Variants in ERGIC3 observed in about 807,000 individuals in gnomAD.
The protein encoded by ERGIC3 is ERGIC and golgi 3.
A neutral mutation model predicts 54.7 loss-of-function variants in ERGIC3; 33 were observed. The observed-to-expected ratio is 0.60, with a 90% CI of 0.46 to 0.81. The LOEUF is 0.81. Ranked by LOEUF, ERGIC3 falls within the 30% of genes least tolerant of loss-of-function variation. The pLI, the probability that ERGIC3 is intolerant of heterozygous loss-of-function variation, is 0.00. For synonymous variants in ERGIC3, 186 were observed against 189.8 expected (o/e 0.98, Z 0.16); for missense variants, 399 against 488.4 (o/e 0.82, Z 1.73).
In ERGIC3 at chr20:35,542,091, G is replaced by A. The variant is rs1226966835; in HGVS notation, c.-7G>A. 2.0e-6 allele frequency: 3 copies of A among 1,527,802 alleles called. No homozygotes were observed. The highest frequency in any genetic ancestry group is 2.1e-5 in the Admixed American group (1 of 46,554). 94.6% of individuals were successfully genotyped at this position (1,527,802 alleles called of 1,614,324 possible). A position where few individuals can be genotyped will look rare whatever the true frequency, so the allele number is the denominator to read the frequency against. On this transcript the variant is annotated 5_prime_UTR_variant, in exon 1 of 13. Coordinates refer to ENST00000348547, the MANE Select transcript of ERGIC3 (RefSeq NM_015966.3). ...GCCGGCTGGCGTCCCCTTTCCGGCCGGTCCCCATGGAGGCGCTGGGGAAGC... is the reference window on the plus strand; with the variant it reads ...GCCGGCTGGCGTCCCCTTTCCGGCCAGTCCCCATGGAGGCGCTGGGGAAGC...
intron 7 of ERGIC3, 160 bp downstream of exon 7, chr20:35,549,025 C>T: frequency 1.3e-6 from 1 of 796,298 alleles, no homozygotes; most frequent in Middle Eastern, 2.2e-4. Context: ...GCTAAGAGCA[C>T]AGGCCGAGGA....
chr20:35,549,130 T>C (rs191562951), intron 7 of ERGIC3: 64 of 431,308 alleles, frequency 1.5e-4, no homozygotes, highest in Admixed American at 4.9e-4. Context: ...GTTTTCTACT[T>C]TATAAAATGT....
rs2147301404 is a variant in ERGIC3, at chr20:35,542,521, T to G, written c.168T>G (p.Pro56=). ...LQYYLTTEVH[P]ELYVDKSRGD... ...AGGTAGCGCTGCCCCAGGTGCATCC[T>G]GAGCTCTACGTGGACAAGTCGCGGG... The change falls in exon 3 of 13, where the codon CCT becomes CCG. Residue 56 remains proline, a synonymous_variant. Coordinates refer to ENST00000348547, the MANE Select transcript of ERGIC3 (RefSeq NM_015966.3). 1 of 1,614,024 alleles carries G rather than the reference T, an allele frequency of 6.2e-7. No individual in the cohort carries two copies. Among genetic ancestry groups the G allele is most frequent in the South Asian group, 1.1e-5 (1 of 91,072 alleles).
chr20:35,544,655 C>G (rs1030034212), intron 4 of ERGIC3: 2 of 197,602 alleles, frequency 1.0e-5, no homozygotes, highest in African/African-American at 2.4e-5. Flanking sequence ...GTCAGGCGCC[C>G]GCGGCGGCAG....
At chr20:35,556,421 C>T (rs1244909203) in intron 10 of ERGIC3, 150 bp downstream of exon 10, 1 of 833,408 alleles carries the variant, frequency 1.2e-6, no homozygotes, top group Non-Finnish European at 2.0e-6. Context: ...GGGGATTTGC[C>T]CTCCCAGGCA....
rs371033028 is a variant in ERGIC3, at chr20:35,542,122, C to G, written c.25C>G (p.Gln9Glu). The G allele has an allele frequency of 3.8e-6, 6 of 1,559,088 alleles. No individual in the cohort carries two copies. Among genetic ancestry groups the G allele is most frequent in the Non-Finnish European group, 5.2e-6 (6 of 1,153,210 alleles). Residue 9 changes from glutamine (Q) to glutamate (E), a missense_variant, in exon 1 of 13, where the codon CAG (glutamine) becomes GAG (glutamate). Coordinates refer to ENST00000348547, the MANE Select transcript of ERGIC3 (RefSeq NM_015966.3). Reference sequence around the variant, plus strand: ...CATGGAGGCGCTGGGGAAGCTGAAGCAGTTCGATGCCTACCCCAAGACTTT... The same window carrying G: ...CATGGAGGCGCTGGGGAAGCTGAAGGAGTTCGATGCCTACCCCAAGACTTT... MEALGKLK[Q>E]FDAYPKTLED...
chr20:35,552,638 T>G (rs1267334604), intron 7 of ERGIC3, among the ~76,000 whole-genome samples: 1 of 152,166 alleles, frequency 6.6e-6, no homozygotes, highest in Non-Finnish European at 1.5e-5. Flanking sequence ...GAGTGTAGTG[T>G]CAACAAGTTA....
chr20:35,555,918 T>TC, intron 8 of ERGIC3, 115 bp from the exon 9 acceptor site: 1 of 889,712 alleles, frequency 1.1e-6, no homozygotes, highest in Non-Finnish European at 1.7e-6. Context: ...GGGGAGGTTG[T>TC]CCCCTTAGGA....
intron 5 of ERGIC3, 128 bp from the exon 6 acceptor site, chr20:35,548,377 ATGTT>A (rs761141609): frequency 9.4e-5 from 88 of 931,376 alleles, no homozygotes; most frequent in Admixed American, 5.9e-5. Flanking sequence ...CATTTGGAGA[ATGTT>A]TGGTGGTCAG....
chr20:35,551,717 G>GT (rs1213021203), intron 7 of ERGIC3, among the ~76,000 whole-genome samples: 3 of 152,224 alleles, frequency 2.0e-5, no homozygotes, highest in Non-Finnish European at 2.9e-5. Flanking sequence ...ACGGACGGGT[G>GT]TTTCAAATAC....
rs796069132 is a variant in ERGIC3, at chr20:35,542,245, T to G, written c.88+60T>G. ...GGGCGTCCTAGAGCTTAGCCCGGGCTCCTGGACTCTGACTGGCCTGCCGGT... is the reference window on the plus strand; with the variant it reads ...GGGCGTCCTAGAGCTTAGCCCGGGCGCCTGGACTCTGACTGGCCTGCCGGT... On this transcript the variant is annotated intron_variant, in intron 1 of 12. Coordinates refer to ENST00000348547, the MANE Select transcript of ERGIC3 (RefSeq NM_015966.3). 7.5e-6 allele frequency: 12 copies of G among 1,610,396 alleles called. No individual in the cohort carries two copies. In the African/African-American group the frequency reaches 1.5e-4, roughly 20 times the overall value.
At position 35,546,687 on chromosome 20, in the gene ERGIC3, A is replaced by G. The variant is rs115033680; in HGVS notation, c.368-725A>G. 3.3e-3 allele frequency among the ~76,000 whole-genome samples: 499 copies of G among 152,324 alleles called. 1 individual carries two copies. The highest frequency in any genetic ancestry group is 0.011 in the African/African-American group (455 of 41,582). ...ACCATGGGATTTCAGGAGGGAAGTG[A>G]GGACGTGATAGTGTCAGCAGTGTCA... On this transcript the variant is annotated intron_variant, in intron 4 of 12. Coordinates refer to ENST00000348547, the MANE Select transcript of ERGIC3 (RefSeq NM_015966.3).
rs1299153407 is a variant in ERGIC3 at position 35,548,793 on chromosome 20, G to C, written c.628-15G>C. ...GAGGACACAGCCAGTGAATGAGAGA[G>C]AATGTTCCTTACAGGTGGCCGGAAA... On this transcript the variant is annotated splice_polypyrimidine_tract_variant and intron_variant, in intron 6 of 12. Transcript: ENST00000348547. 1.9e-6 allele frequency: 3 copies of C among 1,614,236 alleles called. No homozygotes were observed. Among genetic ancestry groups the C allele is most frequent in the African/African-American group, 1.3e-5 (1 of 75,066 alleles).
Position 35,557,077 on chromosome 20 carries a change from G to T in ERGIC3, c.984G>T (p.Ser328=), listed in dbSNP as rs928108260. 2 of 1,614,218 alleles carry T rather than the reference G, an allele frequency of 1.2e-6. No individual in the cohort carries two copies. The highest frequency in any genetic ancestry group is 4.5e-5 in the East Asian group (2 of 44,876). Residue 328 remains serine, a synonymous_variant, in exon 11 of 13, where the codon TCG becomes TCT. Coordinates refer to ENST00000348547, the MANE Select transcript of ERGIC3 (RefSeq NM_015966.3). ...GAGTCTTCGTCCTCTATGAGCTCTC[G>T]CCCATGATGGTGAAGCTGACGGAGA... is the stretch of plus-strand genomic sequence containing the variant. ...LPGVFVLYEL[S]PMMVKLTEKH...
Position 35,548,790 on chromosome 20 carries a change from A to G in ERGIC3, c.628-18A>G, listed in dbSNP as rs770660482. On this transcript the variant is annotated intron_variant, in intron 6 of 12. Coordinates refer to ENST00000348547, the MANE Select transcript of ERGIC3 (RefSeq NM_015966.3). ...AAGGAGGACACAGCCAGTGAATGAG[A>G]GAGAATGTTCCTTACAGGTGGCCGG... 1.9e-6 allele frequency: 3 copies of G among 1,614,194 alleles called. No homozygotes were observed. The East Asian group carries it at 6.7e-5, about 36-fold the overall frequency.
chr20:35,554,381 T>G (rs1322683808), intron 7 of ERGIC3: 2 of 1,614,156 alleles, frequency 1.2e-6, no homozygotes, highest in Admixed American at 1.7e-5. Flanking sequence ...GTACATGCTG[T>G]GGAGAGTAAG....
At chr20:35,553,346 G>T (rs1174550924) in intron 7 of ERGIC3, among the ~76,000 whole-genome samples, 3 of 151,926 alleles carry the variant, frequency 2.0e-5, no homozygotes, top group Admixed American at 1.3e-4. Flanking sequence ...GAGCAAGAAA[G>T]ACTTCTCTTT....
At chr20:35,555,774 C>T (rs2064707647) in intron 8 of ERGIC3, among the ~76,000 whole-genome samples, 1 of 149,160 alleles carries the variant, frequency 6.7e-6, no homozygotes, top group South Asian at 2.1e-4. Flanking sequence ...GATCATGCCA[C>T]TGCTCTCCAG....
intron 5 of ERGIC3, among the ~76,000 whole-genome samples, 171 bp downstream of exon 5, chr20:35,547,676 G>C (rs1223077310): frequency 6.6e-6 from 1 of 152,300 alleles, no homozygotes; most frequent in Admixed American, 6.5e-5. Context: ...TTGTAACCAG[G>C]CCCTATCTGG....
Sources: allele counts gnomAD v4.1 joint callset (sites outside exome capture counted in the v4.1 genomes callset), GRCh38; gene constraint gnomAD v4.1.1; transcripts MANE v1.5; gene names NCBI Gene and HGNC (gene_info 2026-07-23, HGNC 2026-07-21).